PAH: variants seen among roughly 807,000 people sequenced by gnomAD.
PAH encodes phenylalanine-4-hydroxylase.
In PAH, 64 loss-of-function variants were observed where a neutral mutation model predicts 62.0. That is an observed-to-expected ratio of 1.03 (90% CI 0.84 to 1.27). The LOEUF (loss-of-function observed/expected upper bound fraction) is 1.27. Among genes scored for constraint, PAH ranks in the 50% most tolerant of loss-of-function variants. The pLI, the probability that PAH is intolerant of heterozygous loss-of-function variation, is 0.00. For missense variants in PAH, 579 were observed against 542.8 expected, an observed-to-expected ratio of 1.07 and a Z score of -0.66; for synonymous variants, 195 against 196.2, an observed-to-expected ratio of 0.99 and a Z score of 0.05.
rs148581370 is a variant in PAH at position 102,849,000 on chromosome 12, CAG to C, written c.913-2051_913-2050del. Among the ~76,000 whole-genome samples the C allele has an allele frequency of 4.9e-4, 75 of 152,176 alleles. No individual in the cohort carries two copies. The East Asian group carries it at 0.012, about 25-fold the overall frequency. The stretch of plus-strand genomic sequence containing the variant: ...GGAGACTGGAGAGGCTGAGTGTAGA[CAG>C]AACACATGGAGACTGGAGGGGTCCA... On this transcript the variant is annotated intron_variant, in intron 8 of 12. Coordinates refer to ENST00000553106, the MANE Select transcript of PAH (RefSeq NM_000277.3).
chr12:102,889,118 C>G (rs1326862911), intron 3 of PAH, among the ~76,000 whole-genome samples: 2 of 152,146 alleles, frequency 1.3e-5, no homozygotes, highest in African/African-American at 4.8e-5. Context: ...TCTTTGGGAA[C>G]CATAGCCCCT....
intron 3 of PAH, among the ~76,000 whole-genome samples, chr12:102,882,677 A>ATATATATATAT (rs1461425878): frequency 4.6e-4 from 21 of 45,794 alleles, no homozygotes; most frequent in Admixed American, 5.5e-4. Context: ...TATATATATA[A>ATATATATATAT]AATTTTTTTC....
intron 1 of PAH, among the ~76,000 whole-genome samples, chr12:102,944,845 T>C (rs540865251): frequency 5.5e-4 from 83 of 152,200 alleles, no homozygotes; most frequent in Non-Finnish European, 6.3e-4. Flanking sequence ...CATTGAAGAG[T>C]TAGTGTTTTA....
intron 1 of PAH, among the ~76,000 whole-genome samples, chr12:102,939,674 G>A (rs1319487289): frequency 2.0e-5 from 3 of 152,152 alleles, no homozygotes; most frequent in Non-Finnish European, 4.4e-5. Context: ...ACCATGCAGG[G>A]CCCCCAGTTT....
intron 7 of PAH, chr12:102,852,114 G>C (rs1225934212): frequency 3.5e-6 from 1 of 283,604 alleles, no homozygotes; most frequent in African/African-American, 2.2e-5. Flanking sequence ...CTTCTCCCTG[G>C]TATTGACTTC....
At chr12:102,896,502 G>A (rs1877508855) in intron 2 of PAH, among the ~76,000 whole-genome samples, 1 of 152,210 alleles carries the variant, frequency 6.6e-6, no homozygotes, top group Admixed American at 6.5e-5. Flanking sequence ...TAAACTTTAA[G>A]GGATAAGATA....
chr12:102,884,500 C>A (rs1376856098), intron 3 of PAH, among the ~76,000 whole-genome samples: 1 of 152,220 alleles, frequency 6.6e-6, no homozygotes, highest in Non-Finnish European at 1.5e-5. Flanking sequence ...CCCACCCACA[C>A]AACATGGAAG....
intron 1 of PAH, among the ~76,000 whole-genome samples, chr12:102,922,831 G>A (rs1360756143): frequency 1.3e-5 from 2 of 152,166 alleles, no homozygotes; most frequent in Non-Finnish European, 1.5e-5. Flanking sequence ...ACCCTTTAGA[G>A]GATGACCATA....
At chr12:102,860,639 T>C (rs2136656225) in intron 5 of PAH, among the ~76,000 whole-genome samples, 1 of 152,268 alleles carries the variant, frequency 6.6e-6, no homozygotes, top group East Asian at 1.9e-4. Flanking sequence ...AACAGAGGTA[T>C]ACACCAATGG....
upstream of PAH, among the ~76,000 whole-genome samples, chr12:102,952,325 T>G (rs1158418596): frequency 6.6e-6 from 1 of 152,138 alleles, no homozygotes; most frequent in African/African-American, 2.4e-5. Context: ...GTTTTTTTTT[T>G]CTTCTCCAGC....
chr12:102,844,521 G>A, intron 9 of PAH, 90 bp from the exon 10 acceptor site: 4 of 860,920 alleles, frequency 4.6e-6, no homozygotes, highest in Non-Finnish European at 7.8e-6. Flanking sequence ...TGAATAGATA[G>A]TAAAGCATTA....
At chr12:102,917,021 C>T (rs1878408469) in intron 1 of PAH, 50 bp downstream of exon 1, 2 of 1,557,718 alleles carry the variant, frequency 1.3e-6, no homozygotes, top group Non-Finnish European at 1.8e-6. Context: ...ATCTCTTTCT[C>T]TGGAGGCCCA....
chr12:102,940,554 T>G (rs562553175), intron 1 of PAH, among the ~76,000 whole-genome samples: 1 of 152,316 alleles, frequency 6.6e-6, no homozygotes, highest in East Asian at 1.9e-4. Flanking sequence ...CAGAATCAAC[T>G]GAGCTGAGGA....
chr12:102,895,854 CAA>C (rs780516168), intron 2 of PAH, among the ~76,000 whole-genome samples: 11,789 of 104,646 alleles, frequency 0.11, 450 homozygotes, highest in East Asian at 0.17. Context: ...GACTCTGTCT[CAA>C]AAAAAAAAAA....
At chr12:102,863,684 G>T (rs141817053) in intron 5 of PAH, among the ~76,000 whole-genome samples, 56 of 152,238 alleles carry the variant, frequency 3.7e-4, no homozygotes, top group African/African-American at 1.1e-3. Context: ...TGAAAGCAAG[G>T]CCAAAGCAAA....
At chr12:102,894,302 C>T (rs961038127) in intron 3 of PAH, among the ~76,000 whole-genome samples, 4 of 151,466 alleles carry the variant, frequency 2.6e-5, no homozygotes, top group Middle Eastern at 6.8e-3. Flanking sequence ...ATCTGTATAC[C>T]AAATTCCCAT....
chr12:102,940,369 G>A (rs952049719), intron 1 of PAH, among the ~76,000 whole-genome samples: 3 of 152,150 alleles, frequency 2.0e-5, no homozygotes, highest in African/African-American at 7.2e-5. Context: ...AATCTAGATG[G>A]CAATGAATAT....
chr12:102,929,180 A>C (rs1219929961), intron 1 of PAH, among the ~76,000 whole-genome samples: 2 of 151,808 alleles, frequency 1.3e-5, no homozygotes, highest in Non-Finnish European at 2.9e-5. Context: ...GGTCAATTAA[A>C]CCTCTTTCCT....
At chr12:102,917,819 G>A (rs909427559), upstream of PAH, among the ~76,000 whole-genome samples, 2 of 152,176 alleles carry the variant, frequency 1.3e-5, no homozygotes, top group African/African-American at 4.8e-5. Context: ...CCTGAAGCTC[G>A]GAAAAGAGGG....
Sources: allele counts gnomAD v4.1 joint callset (sites outside exome capture counted in the v4.1 genomes callset), GRCh38; gene constraint gnomAD v4.1.1; transcripts MANE v1.5; gene names NCBI Gene and HGNC (gene_info 2026-07-23, HGNC 2026-07-21).